The following SCFD2 variants were observed in gnomAD, a reference collection of about 807,000 sequenced individuals.
SCFD2 encodes sec1 family domain-containing protein 2.
A neutral mutation model predicts 58.9 loss-of-function variants in SCFD2; 54 were observed. The ratio of observed to expected loss-of-function variants is 0.92; its 90% confidence interval spans 0.74 to 1.15. SCFD2 has a LOEUF of 1.15. SCFD2 is among the 50% of genes most tolerant of loss of function. SCFD2 has a pLI of 0.00. For synonymous variants in SCFD2, 321 were observed against 335.9 expected, an observed-to-expected ratio of 0.96 and a Z score of 0.49; for missense variants, 805 against 836.6, an observed-to-expected ratio of 0.96 and a Z score of 0.47.
chr4:53,011,886 C>T (rs1722100540), intron 5 of SCFD2, among the ~76,000 whole-genome samples: 1 of 151,942 alleles, frequency 6.6e-6, no homozygotes, highest in Non-Finnish European at 1.5e-5. Flanking sequence ...ACATAATATA[C>T]TATGAATTGG....
intron 5 of SCFD2, among the ~76,000 whole-genome samples, chr4:52,937,355 G>C (rs1273108859): frequency 6.6e-6 from 1 of 152,178 alleles, no homozygotes; most frequent in Non-Finnish European, 1.5e-5. Flanking sequence ...AGACGAAGGA[G>C]CAAGAGAGAC....
chr4:52,902,340 G>A (rs1418267720), intron 7 of SCFD2, among the ~76,000 whole-genome samples: 2 of 152,304 alleles, frequency 1.3e-5, no homozygotes, highest in South Asian at 2.1e-4. Context: ...GGAAAAACAC[G>A]TCACTGCCTT....
intron 4 of SCFD2, among the ~76,000 whole-genome samples, chr4:53,231,169 T>C (rs1272270364): frequency 6.6e-6 from 1 of 152,134 alleles, no homozygotes; most frequent in Non-Finnish European, 1.5e-5. Context: ...AATTGAAAAC[T>C]AGTTTTTTAA....
At chr4:52,881,134 T>C (rs537041172) in intron 8 of SCFD2, among the ~76,000 whole-genome samples, 101 of 152,352 alleles carry the variant, frequency 6.6e-4, no homozygotes, top group African/African-American at 1.9e-3. Context: ...GGAGAAAACA[T>C]GTCCCTTTTA....
At chr4:53,212,471 A>AAAATAAAT (rs61123203) in intron 4 of SCFD2, among the ~76,000 whole-genome samples, 96,750 of 147,960 alleles carry the variant, frequency 0.65, 32,014 homozygotes, top group Middle Eastern at 0.76. Flanking sequence ...AAGAAAGCAA[A>AAAATAAAT]AAATAAATAA....
chr4:53,002,508 T>G (rs1244404106), intron 5 of SCFD2, among the ~76,000 whole-genome samples: 1 of 152,146 alleles, frequency 6.6e-6, no homozygotes, highest in African/African-American at 2.4e-5. Context: ...CAACCACTAC[T>G]AGGATTACTA....
intron 5 of SCFD2, among the ~76,000 whole-genome samples, chr4:53,035,803 G>A (rs375942223): frequency 3.3e-5 from 5 of 152,074 alleles, no homozygotes; most frequent in South Asian, 4.1e-4. Context: ...CTAGAATGGC[G>A]ATCATTAAAA....
Position 53,352,734 on chromosome 4 carries a change from C to CA in SCFD2, c.870_871insT (p.Glu291Ter). 1.9e-6 allele frequency: 3 copies of CA among 1,614,156 alleles called. No homozygotes were observed. The highest frequency in any genetic ancestry group is 3.3e-4 in the Middle Eastern group (2 of 6,062). ...TGGGGAAGTGCTGAAATGATCTTCTCTACTAAGTTGTCTCCATGATGTCCA... is the reference window on the plus strand; with the variant it reads ...TGGGGAAGTGCTGAAATGATCTTCTCATACTAAGTTGTCTCCATGATGTCCA... On this transcript the variant is annotated frameshift_variant, in exon 2 of 9. Coordinates refer to ENST00000401642, the MANE Select transcript of SCFD2 (RefSeq NM_152540.4). LOFTEE classifies it high-confidence loss of function.
chr4:53,321,907 T>C (rs1330675487), intron 2 of SCFD2, among the ~76,000 whole-genome samples: 1 of 152,198 alleles, frequency 6.6e-6, no homozygotes, highest in Non-Finnish European at 1.5e-5. Context: ...TGGGCATGGA[T>C]GCTGGAAACA....
intron 4 of SCFD2, among the ~76,000 whole-genome samples, chr4:53,153,172 G>A (rs569125613): frequency 4.6e-5 from 7 of 152,246 alleles, no homozygotes; most frequent in South Asian, 4.1e-4. Context: ...TCTGTGTGGG[G>A]GCACCAACCT....
intron 4 of SCFD2, among the ~76,000 whole-genome samples, chr4:53,248,082 C>A (rs548640832): frequency 6.6e-6 from 1 of 152,088 alleles, no homozygotes; most frequent in African/African-American, 2.4e-5. Context: ...ATGCGCCACC[C>A]GAAGCAGGGC....
chr4:53,269,819 G>T (rs1311268962), intron 4 of SCFD2, among the ~76,000 whole-genome samples: 1 of 152,216 alleles, frequency 6.6e-6, no homozygotes, highest in Non-Finnish European at 1.5e-5. Context: ...GAGATCAGAA[G>T]TTCGAGACCA....
At chr4:53,322,540 T>C (rs201583921) in intron 2 of SCFD2, among the ~76,000 whole-genome samples, 1 of 152,168 alleles carries the variant, frequency 6.6e-6, no homozygotes, top group East Asian at 1.9e-4. Context: ...ATTCCTACTC[T>C]CTATCAGCCC....
At chr4:53,218,350 C>A (rs1178051002) in intron 4 of SCFD2, among the ~76,000 whole-genome samples, 1 of 152,146 alleles carries the variant, frequency 6.6e-6, no homozygotes, top group Non-Finnish European at 1.5e-5. Flanking sequence ...TCTTTTTACT[C>A]TTTTTTCTCT....
At chr4:53,203,163 G>A (rs1212980496) in intron 4 of SCFD2, among the ~76,000 whole-genome samples, 1 of 152,112 alleles carries the variant, frequency 6.6e-6, no homozygotes, top group East Asian at 1.9e-4. Context: ...GGCTGTGGGT[G>A]TGTCATAGAT....
chr4:53,311,659 C>G (rs182524921), intron 3 of SCFD2, among the ~76,000 whole-genome samples: 2 of 148,458 alleles, frequency 1.3e-5, no homozygotes, highest in Admixed American at 6.8e-5. Flanking sequence ...TTTTTTTAAA[C>G]GGTGTCTCAC....
intron 3 of SCFD2, among the ~76,000 whole-genome samples, chr4:53,286,071 T>C (rs913497481): frequency 6.6e-6 from 1 of 152,108 alleles, no homozygotes; most frequent in African/African-American, 2.4e-5. Flanking sequence ...TCTGCCATTG[T>C]TGCACCACAT....
At chr4:53,010,639 A>G (rs1169855842) in intron 5 of SCFD2, among the ~76,000 whole-genome samples, 1 of 152,236 alleles carries the variant, frequency 6.6e-6, no homozygotes, top group Non-Finnish European at 1.5e-5. Context: ...CTTTTCTGAA[A>G]CGAATAAATC....
intron 4 of SCFD2, among the ~76,000 whole-genome samples, chr4:53,257,112 C>CAT (rs1730668374): frequency 6.6e-6 from 1 of 151,760 alleles, no homozygotes; most frequent in African/African-American, 2.4e-5. Flanking sequence ...AAGTGTAACA[C>CAT]ACACACACAC....
Sources: gnomAD v4.1 joint callset for allele counts (sites outside exome capture counted in the v4.1 genomes callset) on GRCh38, gnomAD v4.1.1 for gene constraint, MANE v1.5 for transcripts, NCBI Gene and HGNC (gene_info 2026-07-23, HGNC 2026-07-21) for gene names.